REV3L: variants seen among roughly 807,000 people sequenced by gnomAD.
REV3L encodes the protein DNA polymerase zeta catalytic subunit.
REV3L carries 69 observed loss-of-function variants against 299.4 expected under a neutral mutation model. The observed-to-expected ratio is 0.23, with a 90% CI of 0.19 to 0.28. The LOEUF (loss-of-function observed/expected upper bound fraction) is 0.28. REV3L is among the 10% of genes least tolerant of loss of function. REV3L has a pLI of 1.00. For synonymous variants in REV3L, 1,238 were observed against 1,271.4 expected (o/e 0.97, Z 0.56); for missense variants, 3,128 against 3,693.8 (o/e 0.85, Z 3.97).
chr6:111,430,098 C>G (rs772152891), intron 1 of REV3L, among the ~76,000 whole-genome samples: 1 of 151,982 alleles, frequency 6.6e-6, no homozygotes, highest in African/African-American at 2.4e-5. Flanking sequence ...TAAAAAGAAG[C>G]GAGATTGAGA....
intron 13 of REV3L, among the ~76,000 whole-genome samples, chr6:111,370,680 G>GT (rs1188318398): frequency 6.6e-6 from 1 of 152,024 alleles, no homozygotes; most frequent in Non-Finnish European, 1.5e-5. Context: ...ATTCACTGTC[G>GT]TGTTTTTTTA....
At chr6:111,435,011 C>G (rs1364628494) in intron 1 of REV3L, among the ~76,000 whole-genome samples, 1 of 152,120 alleles carries the variant, frequency 6.6e-6, no homozygotes, top group African/African-American at 2.4e-5. Flanking sequence ...TCAAGGTAAG[C>G]CTGGGCAACA....
Position 111,416,270 on chromosome 6 carries a change from A to T in REV3L, c.329+13T>A, listed in dbSNP as rs772312533. 2.6e-6 allele frequency: 4 copies of T among 1,563,932 alleles called. No homozygotes were observed. In the Admixed American group the frequency reaches 7.0e-5, roughly 27 times the overall value. On this transcript the variant is annotated intron_variant, in intron 2 of 31. Transcript: ENST00000368802. ...ATAAACAGAAATTATAAAATATATT[A>T]TCATATACTTACATTCCTGATACTA...
chr6:111,350,119 A>G (rs943904521), intron 19 of REV3L, among the ~76,000 whole-genome samples: 12 of 152,200 alleles, frequency 7.9e-5, no homozygotes, highest in Admixed American at 7.9e-4. Context: ...TAATACAAAC[A>G]TTACTTCCTT....
intron 11 of REV3L, 26 bp from the exon 12 acceptor site, chr6:111,377,869 G>A (rs145371756): frequency 6.3e-6 from 10 of 1,590,440 alleles, no homozygotes; most frequent in African/African-American, 1.3e-5. Context: ...ATTCACTGGT[G>A]AGCATGATCA....
intron 1 of REV3L, among the ~76,000 whole-genome samples, chr6:111,447,072 C>T (rs1788949736): frequency 6.6e-6 from 1 of 152,014 alleles, no homozygotes. Context: ...TATTTGAAAA[C>T]AGTTAATTTT....
At chr6:111,482,229 C>T (rs1793795903) in intron 1 of REV3L, among the ~76,000 whole-genome samples, 2 of 152,214 alleles carry the variant, frequency 1.3e-5, no homozygotes, top group African/African-American at 2.4e-5. Flanking sequence ...CGGCCCACTG[C>T]ATCTCCGGAA....
chr6:111,343,354 AATCTACAGTAAT>A (rs2114902396), intron 21 of REV3L, among the ~76,000 whole-genome samples: 1 of 152,346 alleles, frequency 6.6e-6, no homozygotes, highest in African/African-American at 2.4e-5. Context: ...TGGCAAAACT[AATCTACAGTAAT>A]AGAAATCCAA....
chr6:111,411,808 A>G (rs1407849666), intron 2 of REV3L, among the ~76,000 whole-genome samples: 1 of 152,216 alleles, frequency 6.6e-6, no homozygotes, highest in Non-Finnish European at 1.5e-5. Context: ...ATTAAAAATT[A>G]TCACTCTGAA....
intron 15 of REV3L, 69 bp from the exon 16 acceptor site, chr6:111,364,047 C>G (rs922309249): frequency 9.7e-6 from 15 of 1,548,278 alleles, no homozygotes; most frequent in Non-Finnish European, 1.1e-5. Flanking sequence ...CTTTTGATTA[C>G]TTATTCTCAG....
intron 1 of REV3L, among the ~76,000 whole-genome samples, chr6:111,473,065 A>T (rs1015375834): frequency 2.6e-5 from 4 of 152,160 alleles, no homozygotes; most frequent in African/African-American, 9.7e-5. Context: ...TGATGTTAAA[A>T]TGGCAGCCAG....
At chr6:111,417,499 G>A (rs949321241) in intron 1 of REV3L, among the ~76,000 whole-genome samples, 43 of 152,092 alleles carry the variant, frequency 2.8e-4, no homozygotes, top group African/African-American at 1.0e-3. Flanking sequence ...CGCTCTCACT[G>A]TGCTGTTCCT....
chr6:111,322,996 T>C (rs1391891169), intron 25 of REV3L, among the ~76,000 whole-genome samples: 3 of 149,044 alleles, frequency 2.0e-5, no homozygotes, highest in Middle Eastern at 3.5e-3. Context: ...TTCAAGAACT[T>C]TTTTTTTTTT....
chr6:111,463,008 G>A (rs778739540), intron 1 of REV3L, among the ~76,000 whole-genome samples: 5 of 152,060 alleles, frequency 3.3e-5, no homozygotes, highest in Non-Finnish European at 5.9e-5. Context: ...GTAAGAGAAT[G>A]AGAGCATAAG....
chr6:111,428,579 G>A (rs971144064), intron 1 of REV3L, among the ~76,000 whole-genome samples: 4 of 151,850 alleles, frequency 2.6e-5, no homozygotes, highest in Non-Finnish European at 4.4e-5. Context: ...TACATTTGGT[G>A]AACTGAAAAA....
At chr6:111,301,852 A>C (rs1317038010) in intron 31 of REV3L, among the ~76,000 whole-genome samples, 1 of 152,182 alleles carries the variant, frequency 6.6e-6, no homozygotes, top group Admixed American at 6.5e-5. Flanking sequence ...GAAGAACATA[A>C]AAAAATTAAA....
At chr6:111,360,468 A>ATTTTTTTTTTTTTTTT (rs1362929978) in intron 16 of REV3L, among the ~76,000 whole-genome samples, 1 of 133,452 alleles carries the variant, frequency 7.5e-6, no homozygotes. Flanking sequence ...TTGTTAAATA[A>ATTTTTTTTTTTTTTTT]TCTTTTTTTT....
chr6:111,322,458 G>A (rs560226499), intron 26 of REV3L, 111 bp downstream of exon 26: 3 of 762,856 alleles, frequency 3.9e-6, no homozygotes, highest in East Asian at 2.5e-5. Context: ...GGACTGGAAA[G>A]GACTCAGACA....
chr6:111,430,013 G>GA (rs1196059358), intron 1 of REV3L, among the ~76,000 whole-genome samples: 1 of 152,052 alleles, frequency 6.6e-6, no homozygotes, highest in African/African-American at 2.4e-5. Flanking sequence ...ACAGAAAGTG[G>GA]AAAAAGAGAA....
Sources: gnomAD v4.1 joint callset for allele counts (sites outside exome capture counted in the v4.1 genomes callset) on GRCh38, gnomAD v4.1.1 for gene constraint, MANE v1.5 for transcripts, NCBI Gene and HGNC (gene_info 2026-07-23, HGNC 2026-07-21) for gene names.